The following ZBTB7C variants were observed in gnomAD, a reference collection of about 807,000 sequenced individuals.
ZBTB7C encodes the protein zinc finger and BTB domain-containing protein 7C.
ZBTB7C carries 8 observed loss-of-function variants against 25.7 expected under a neutral mutation model. That is an observed-to-expected ratio of 0.31 (90% CI 0.18 to 0.56). The LOEUF (loss-of-function observed/expected upper bound fraction) is 0.56. Among genes scored for constraint, ZBTB7C ranks in the 20% least tolerant of loss-of-function variants. ZBTB7C has a pLI of 0.91. For missense variants in ZBTB7C, 824 were observed against 855.2 expected (o/e 0.96, Z 0.46); for synonymous variants, 394 against 369.0 (o/e 1.07, Z -0.78).
chr18:48,296,570 A>C (rs903349529), intron 2 of ZBTB7C, among the ~76,000 whole-genome samples: 5 of 152,246 alleles, frequency 3.3e-5, no homozygotes, highest in African/African-American at 9.6e-5. Flanking sequence ...GGAGCATCCC[A>C]AAAACCTTCA....
At chr18:48,110,523 G>A (rs558680109) in intron 3 of ZBTB7C, among the ~76,000 whole-genome samples, 6 of 152,296 alleles carry the variant, frequency 3.9e-5, no homozygotes, top group South Asian at 4.2e-4. Flanking sequence ...GCGGTTCCTC[G>A]CTGTCAGGCT....
chr18:48,154,257 A>T (rs2040766936), intron 3 of ZBTB7C, among the ~76,000 whole-genome samples: 1 of 152,214 alleles, frequency 6.6e-6, no homozygotes, highest in Non-Finnish European at 1.5e-5. Context: ...CAGGAGGTCA[A>T]TCAAGGCAGG....
chr18:48,090,281 T>C (rs1354778838), intron 3 of ZBTB7C, among the ~76,000 whole-genome samples: 1 of 152,072 alleles, frequency 6.6e-6, no homozygotes, highest in African/African-American at 2.4e-5. Context: ...ACGGGTGGCG[T>C]GTGTGTGGCA....
chr18:48,092,391 T>C (rs1037502980), intron 3 of ZBTB7C, among the ~76,000 whole-genome samples: 3 of 152,250 alleles, frequency 2.0e-5, no homozygotes, highest in African/African-American at 7.2e-5. Context: ...TGGTTATTGT[T>C]CTTCACAATT....
chr18:48,192,652 G>A (rs1198197482), intron 2 of ZBTB7C, among the ~76,000 whole-genome samples: 1 of 152,186 alleles, frequency 6.6e-6, no homozygotes, highest in African/African-American at 2.4e-5. Flanking sequence ...AGTAGAGATG[G>A]GGTTTCGCCA....
intron 3 of ZBTB7C, among the ~76,000 whole-genome samples, chr18:48,086,066 A>G (rs1315973638): frequency 6.6e-6 from 1 of 152,154 alleles, no homozygotes; most frequent in Non-Finnish European, 1.5e-5. Flanking sequence ...CTCTTGTTCA[A>G]TCACCTTTGA....
chr18:48,075,437 G>A (rs2037725834), intron 3 of ZBTB7C, among the ~76,000 whole-genome samples: 1 of 152,220 alleles, frequency 6.6e-6, no homozygotes, highest in African/African-American at 2.4e-5. Flanking sequence ...GCCCAGAGAG[G>A]AAGAACATGC....
intron 2 of ZBTB7C, among the ~76,000 whole-genome samples, chr18:48,219,511 T>C (rs115854509): frequency 6.6e-6 from 1 of 152,308 alleles, no homozygotes; most frequent in African/African-American, 2.4e-5. Context: ...CTTAAGTGCC[T>C]TCCCAGGTCA....
At chr18:48,178,029 A>AGCCCCTCCCTCTCCTTGCCCC (rs2041743189) in intron 3 of ZBTB7C, among the ~76,000 whole-genome samples, 1 of 146,064 alleles carries the variant, frequency 6.8e-6, no homozygotes, top group Non-Finnish European at 1.5e-5. Flanking sequence ...CTCCTTGCCC[A>AGCCCCTCCCTCTCCTTGCCCC]GCCCCTCCCT....
At chr18:48,143,978 A>G (rs949757123) in intron 3 of ZBTB7C, among the ~76,000 whole-genome samples, 1 of 152,202 alleles carries the variant, frequency 6.6e-6, no homozygotes, top group Non-Finnish European at 1.5e-5. Context: ...CTATTGCAGT[A>G]GTCCTGAATA....
chr18:48,137,250 A>T, intron 3 of ZBTB7C: 1 of 985,492 alleles, frequency 1.0e-6, no homozygotes, highest in Non-Finnish European at 1.2e-6. Flanking sequence ...TGTACTGTTA[A>T]GCGCAGGACA....
At chr18:48,255,567 C>A (rs575246177) in intron 2 of ZBTB7C, among the ~76,000 whole-genome samples, 1 of 152,278 alleles carries the variant, frequency 6.6e-6, no homozygotes, top group Non-Finnish European at 1.5e-5. Flanking sequence ...AGTCAAATCT[C>A]TAAATAGGGA....
At chr18:48,197,321 GCTAA>G (rs2042341460) in intron 2 of ZBTB7C, among the ~76,000 whole-genome samples, 1 of 151,998 alleles carries the variant, frequency 6.6e-6, no homozygotes, top group Non-Finnish European at 1.5e-5. Context: ...TTTTGAATTG[GCTAA>G]CTTTTAAAAA....
chr18:48,062,869 G>A (rs2097404142), intron 3 of ZBTB7C, among the ~76,000 whole-genome samples: 1 of 152,218 alleles, frequency 6.6e-6, no homozygotes, highest in South Asian at 2.1e-4. Context: ...CTCAGCTTGA[G>A]CTCTTAGGCA....
intron 2 of ZBTB7C, among the ~76,000 whole-genome samples, chr18:48,326,744 T>A (rs1182199638): frequency 6.6e-6 from 1 of 152,192 alleles, no homozygotes; most frequent in East Asian, 1.9e-4. Context: ...AAACTAAGAA[T>A]ACATACTTGA....
In ZBTB7C at chr18:48,156,008, G is replaced by A. The variant is rs1339316951; in HGVS notation, c.-17+29926C>T. Reference sequence around the variant, plus strand: ...GGGTGTGCCTAAGGTTACAAAAGAAGCTATTGGCTAATCTCCTCCACAAGA... The same window carrying A: ...GGGTGTGCCTAAGGTTACAAAAGAAACTATTGGCTAATCTCCTCCACAAGA... On this transcript the variant is annotated intron_variant, in intron 3 of 4. Coordinates refer to ENST00000590800, the MANE Select transcript of ZBTB7C (RefSeq NM_001318841.2). Among the ~76,000 whole-genome samples, 3 of 152,184 alleles carry A rather than the reference G, an allele frequency of 2.0e-5. No individual in the cohort carries two copies. The East Asian group carries it at 5.8e-4, about 29-fold the overall frequency.
chr18:48,190,507 C>T (rs1761156708), intron 2 of ZBTB7C, among the ~76,000 whole-genome samples: 1 of 152,172 alleles, frequency 6.6e-6, no homozygotes, highest in African/African-American at 2.4e-5. Flanking sequence ...ATCCAGCTAG[C>T]AGACACTGAA....
chr18:48,308,985 A>G (rs2045746918), intron 2 of ZBTB7C, among the ~76,000 whole-genome samples: 1 of 152,216 alleles, frequency 6.6e-6, no homozygotes. Flanking sequence ...GGAGCCCTAC[A>G]GAAGGTGAGG....
intron 2 of ZBTB7C, among the ~76,000 whole-genome samples, chr18:48,317,090 T>C (rs752209744): frequency 3.3e-5 from 5 of 151,952 alleles, no homozygotes; most frequent in Non-Finnish European, 5.9e-5. Context: ...CTGGCCAACA[T>C]GGTGAAACCC....
Sources: gnomAD v4.1 joint callset for allele counts (sites outside exome capture counted in the v4.1 genomes callset) on GRCh38, gnomAD v4.1.1 for gene constraint, MANE v1.5 for transcripts, NCBI Gene and HGNC (gene_info 2026-07-23, HGNC 2026-07-21) for gene names.